Variants in TNS3 observed in about 807,000 individuals in gnomAD.
TNS3 encodes the protein tensin 3, also known as tensin-3.
Under a neutral mutation model 140.9 loss-of-function variants are expected in TNS3, and 45 were observed. The ratio of observed to expected loss-of-function variants is 0.32; its 90% CI spans 0.25 to 0.41. The LOEUF (loss-of-function observed/expected upper bound fraction) is 0.41, where lower values mean the gene tolerates loss of function less well. Among genes scored for constraint, TNS3 ranks in the 10% least tolerant of loss-of-function variants. TNS3 has a pLI of 1.00. For missense variants in TNS3, 1,716 were observed against 1,906.7 expected, an observed-to-expected ratio of 0.90 and a Z score of 1.86; for synonymous variants, 815 against 788.4, an observed-to-expected ratio of 1.03 and a Z score of -0.56.
At chr7:47,580,421 ACTTTGT>A (rs895397581) in intron 1 of TNS3, among the ~76,000 whole-genome samples, 5 of 152,214 alleles carry the variant, frequency 3.3e-5, no homozygotes, top group African/African-American at 9.7e-5. Context: ...TATGCCTGTT[ACTTTGT>A]CTTCGGGGTC....
At chr7:47,558,005 A>C (rs1178462776) in intron 1 of TNS3, among the ~76,000 whole-genome samples, 4 of 152,176 alleles carry the variant, frequency 2.6e-5, no homozygotes, top group African/African-American at 9.7e-5. Context: ...CCTCTGGCAA[A>C]TGACAAATGA....
At chr7:47,284,849 G>A (rs1240100222) in intron 27 of TNS3, among the ~76,000 whole-genome samples, 2 of 152,248 alleles carry the variant, frequency 1.3e-5, no homozygotes, top group Non-Finnish European at 2.9e-5. Context: ...GCACTCGGAT[G>A]CACGGTACGC....
chr7:47,479,797 GCCTGACCCTGTAGTC>G (rs1169896016), intron 4 of TNS3, among the ~76,000 whole-genome samples: 1 of 152,238 alleles, frequency 6.6e-6, no homozygotes, highest in East Asian at 1.9e-4. Flanking sequence ...TCTGTGACAG[GCCTGACCCTGTAGTC>G]CCTCTTCTCT....
At chr7:47,515,729 C>T (rs974363240) in intron 2 of TNS3, among the ~76,000 whole-genome samples, 4 of 152,208 alleles carry the variant, frequency 2.6e-5, no homozygotes, top group African/African-American at 7.2e-5. Context: ...TCACCATCAT[C>T]GTTACCATCA....
intron 4 of TNS3, among the ~76,000 whole-genome samples, chr7:47,474,647 C>CAACACACACAAAA (rs1797106322): frequency 6.8e-6 from 1 of 147,248 alleles, no homozygotes; most frequent in African/African-American, 2.5e-5. Flanking sequence ...ACACACACCA[C>CAACACACACAAAA]AACACACACA....
At chr7:47,282,104 T>C (rs1391731829) in intron 28 of TNS3, among the ~76,000 whole-genome samples, 3 of 150,236 alleles carry the variant, frequency 2.0e-5, no homozygotes, top group Admixed American at 2.0e-4. Flanking sequence ...TGACACTGAC[T>C]CTGAGTCCAC....
chr7:47,299,247 C>T (rs187328178), intron 23 of TNS3, among the ~76,000 whole-genome samples: 4 of 152,316 alleles, frequency 2.6e-5, no homozygotes, highest in Admixed American at 6.5e-5. Flanking sequence ...AAGTGATCCT[C>T]CCACCTCAGC....
intron 17 of TNS3, among the ~76,000 whole-genome samples, chr7:47,357,493 G>A (rs999788815): frequency 3.3e-5 from 5 of 152,138 alleles, no homozygotes; most frequent in Admixed American, 6.5e-5. Context: ...ATGGTTTTAG[G>A]AGTCTTCTCC....
chr7:47,304,427 TAAAG>T (rs776939848), intron 21 of TNS3, among the ~76,000 whole-genome samples: 2 of 152,346 alleles, frequency 1.3e-5, no homozygotes, highest in East Asian at 3.9e-4. Flanking sequence ...CAACAAAGCA[TAAAG>T]AAACTTATTC....
intron 1 of TNS3, among the ~76,000 whole-genome samples, chr7:47,532,518 G>GA (rs1347171164): frequency 3.1e-5 from 2 of 64,574 alleles, no homozygotes; most frequent in Non-Finnish European, 9.0e-5. Context: ...TCCAGCTGCA[G>GA]AGAGGAACTA....
intron 4 of TNS3, chr7:47,452,990 C>T (rs1796087177): frequency 1.0e-6 from 1 of 985,554 alleles, no homozygotes. Context: ...CCAGAAACAG[C>T]TCCTCCTACG....
At chr7:47,480,970 C>T in intron 4 of TNS3, 133 bp downstream of exon 4, 1 of 540,520 alleles carries the variant, frequency 1.9e-6, no homozygotes, top group South Asian at 1.8e-5. Flanking sequence ...CTTGTGAATG[C>T]AAGCTACAGG....
At position 47,303,037 on chromosome 7, in the gene TNS3, G is replaced by C. The variant is rs779305831; in HGVS notation, c.3370C>G (p.Pro1124Ala). ...ATACTGATGGTGCTCCCGCTGTGCG[G>C]GCTGGAGAAGCCACTGGAGGAGGGA... Reference protein sequence around the residue: ...VSPSSSGFSSPHSGSTISIPF... With the variant: ...VSPSSSGFSSAHSGSTISIPF... Residue 1124 changes from proline (P) to alanine (A), a missense_variant, in exon 22 of 31, where the codon CCG becomes GCG. Transcript: ENST00000311160. The C allele has an allele frequency of 1.2e-6, 2 of 1,614,128 alleles. No individual in the cohort carries two copies. Among genetic ancestry groups the C allele is most frequent in the Non-Finnish European group, 1.7e-6 (2 of 1,180,030 alleles).
chr7:47,480,770 T>G (rs1162000938), intron 4 of TNS3, among the ~76,000 whole-genome samples: 1 of 152,172 alleles, frequency 6.6e-6, no homozygotes, highest in African/African-American at 2.4e-5. Context: ...CTGTCCAGGT[T>G]TTTATCACTA....
chr7:47,437,432 T>G (rs1187015164), intron 6 of TNS3, 119 bp from the exon 7 acceptor site: 5 of 351,680 alleles, frequency 1.4e-5, no homozygotes, highest in African/African-American at 2.2e-5. Context: ...ATCTAAAATC[T>G]TCACACTCAC....
intron 20 of TNS3, among the ~76,000 whole-genome samples, chr7:47,333,638 A>G (rs1236299223): frequency 1.3e-5 from 2 of 152,218 alleles, no homozygotes; most frequent in African/African-American, 2.4e-5. Context: ...AGTACAGGAA[A>G]GAAAGAAGAA....
Position 47,368,625 on chromosome 7 carries a change from A to C in TNS3, c.2021T>G (p.Val674Gly). The change falls in exon 17 of 31, where the codon GTT (valine) becomes GGT (glycine). Residue 674 changes from valine (V) to glycine (G), a missense_variant. Around this residue, in one of 3 missense-constraint regions of TNS3, gnomAD observed 1,163 missense variants for 1,182.1 expected, o/e 0.98. Transcript: ENST00000311160. Reference protein sequence around the residue: ...AFKPRFPGDQVVNGAGPELST... With the variant: ...AFKPRFPGDQGVNGAGPELST... ...CAGCTCTGGGCCGGCTCCATTCACA[A>C]CCTGGTCTCCTGGAAACCTGGGTTT... The C allele has an allele frequency of 6.3e-7, 1 of 1,597,122 alleles. No homozygotes were observed. The highest frequency in any genetic ancestry group is 8.5e-7 in the Non-Finnish European group (1 of 1,171,974).
At chr7:47,540,618 G>C (rs1799757960) in intron 1 of TNS3, among the ~76,000 whole-genome samples, 2 of 126,824 alleles carry the variant, frequency 1.6e-5, no homozygotes, top group Admixed American at 8.0e-5. Flanking sequence ...CTCCCAGAGG[G>C]ACGATCTACA....
At chr7:47,315,560 T>G (rs769545950) in intron 20 of TNS3, among the ~76,000 whole-genome samples, 5 of 152,192 alleles carry the variant, frequency 3.3e-5, no homozygotes, top group Non-Finnish European at 7.4e-5. Flanking sequence ...ATACCACTCA[T>G]TCTCCAACGG....
Sources: allele counts gnomAD v4.1 joint callset (sites outside exome capture counted in the v4.1 genomes callset), GRCh38; gene constraint gnomAD v4.1.1; regional missense constraint gnomAD v4.1.1; transcripts MANE v1.5; gene names NCBI Gene and HGNC (gene_info 2026-07-23, HGNC 2026-07-21).